Variants in TRH observed in about 807,000 individuals in gnomAD.
TRH encodes TSH-releasing factor.
In TRH, 5 loss-of-function variants were observed where a neutral mutation model predicts 5.2. The observed-to-expected ratio is 0.95, with a 90% CI of 0.50 to 2.00. The LOEUF is 2.00. TRH is among the 30% of genes most tolerant of loss of function. TRH has a pLI of 0.01. For synonymous variants in TRH, 131 were observed against 128.6 expected (o/e 1.02, Z -0.13); for missense variants, 318 against 312.8 (o/e 1.02, Z -0.13).
chr3:129,975,607 C>A (rs961508156), intron 1 of TRH, among the ~76,000 whole-genome samples: 1 of 152,196 alleles, frequency 6.6e-6, no homozygotes, highest in African/African-American at 2.4e-5. Context: ...CCCGTGGGGG[C>A]GAGGACGCCT....
At position 129,977,156 on chromosome 3, in the gene TRH, G is replaced by T. The variant is rs1005888885; in HGVS notation, c.669G>T (p.Glu223Asp). 3.9e-6 allele frequency: 6 copies of T among 1,523,516 alleles called. No individual in the cohort carries two copies. The highest frequency in any genetic ancestry group is 5.3e-6 in the Non-Finnish European group (6 of 1,138,694). The allele number at this position is 1,523,516 out of a possible 1,614,324, so 94.4% of individuals were successfully genotyped here. Residue 223 changes from glutamate to aspartate, a missense_variant, in exon 3 of 3, where the codon GAG (glutamate) becomes GAT (aspartate). By Grantham distance (45) the Glu-to-Asp change is conservative (BLOSUM62 2). Coordinates refer to ENST00000302649, the MANE Select transcript of TRH (RefSeq NM_007117.5). Reference sequence around the variant, plus strand: ...ACCTGAGTAGGAGCCAGGGAGCTGAGGAAAAGCGGCAGCACCCTGGTCGGC... The same window carrying T: ...ACCTGAGTAGGAGCCAGGGAGCTGATGAAAAGCGGCAGCACCCTGGTCGGC... ...LDDLSRSQGA[E>D]EKRQHPGRRA... is the part of the protein sequence containing the mutation.
At chr3:129,976,172 G>A in intron 2 of TRH, 145 bp downstream of exon 2, 1 of 1,002,094 alleles carries the variant, frequency 1.0e-6, no homozygotes, top group Non-Finnish European at 1.5e-6. Context: ...CGCCTAGGCG[G>A]GATCTGGAGT....
rs2062548208 is a variant in TRH, at chr3:129,976,878, C to T, written c.391C>T (p.Gln131Ter). 3.1e-6 allele frequency: 5 copies of T among 1,613,392 alleles called. No homozygotes were observed. Among genetic ancestry groups the T allele is most frequent in the Non-Finnish European group, 4.2e-6 (5 of 1,179,756 alleles). ...DEASWSVDVT[Q>*]HKRQHPGRRS... Reference sequence around the variant, plus strand: ...GGCTTCATGGTCAGTCGATGTAACCCAGCACAAGCGGCAGCATCCTGGCCG... The same window carrying T: ...GGCTTCATGGTCAGTCGATGTAACCTAGCACAAGCGGCAGCATCCTGGCCG... The change falls in exon 3 of 3, where the codon CAG becomes TAG. Residue 131 changes from glutamine (Q) to a stop codon, truncating the protein, a stop_gained. Coordinates refer to ENST00000302649, the MANE Select transcript of TRH (RefSeq NM_007117.5). LOFTEE classifies it low-confidence loss of function (END_TRUNC).
chr3:129,976,223 C>A (rs540510936), intron 2 of TRH, among the ~76,000 whole-genome samples, 196 bp downstream of exon 2: 1 of 152,228 alleles, frequency 6.6e-6, no homozygotes, highest in African/African-American at 2.4e-5. Flanking sequence ...TGTCTCAATG[C>A]TGGGAATATT....
At chr3:129,975,247 G>C (rs1167341068) in intron 1 of TRH, among the ~76,000 whole-genome samples, 1 of 152,248 alleles carries the variant, frequency 6.6e-6, no homozygotes, top group Admixed American at 6.5e-5. Flanking sequence ...AGTCATGAAA[G>C]CTTAGCATTA....
In TRH at chr3:129,977,356, C is replaced by T. The variant is rs1325580748; in HGVS notation, c.*140C>T. Reference sequence around the variant, plus strand: ...CCTCCCTCCCAGCCCCATATTCACACACATCCCAGCCCCTGGCCTTGCCCT... The same window carrying T: ...CCTCCCTCCCAGCCCCATATTCACATACATCCCAGCCCCTGGCCTTGCCCT... On this transcript the variant is annotated 3_prime_UTR_variant, in exon 3 of 3. Coordinates refer to ENST00000302649, the MANE Select transcript of TRH (RefSeq NM_007117.5). 2 of 1,144,376 alleles carry T rather than the reference C, an allele frequency of 1.7e-6. No homozygotes were observed. Among genetic ancestry groups the T allele is most frequent in the African/African-American group, 3.1e-5 (2 of 64,584 alleles). 70.9% of individuals were successfully genotyped at this position (1,144,376 alleles called of 1,614,324 possible).
chr3:129,975,717 G>C, intron 1 of TRH, 92 bp from the exon 2 acceptor site: 2 of 1,348,760 alleles, frequency 1.5e-6, no homozygotes, highest in Admixed American at 2.3e-5. Flanking sequence ...CGGTTGAACT[G>C]TGCGTGGTTT....
rs61740106 is a variant in TRH, at chr3:129,976,735, G to A, written c.248G>A (p.Arg83His). 3,214 of 1,613,804 alleles carry A rather than the reference G, an allele frequency of 2.0e-3. 45 individuals carry two copies. In the African/African-American group the frequency reaches 0.031, roughly 15 times the overall value. Residue 83 changes from arginine (R) to histidine (H), a missense_variant, in exon 3 of 3, where the codon CGT becomes CAT. By Grantham distance (29) the Arg-to-His change is conservative. Transcript: ENST00000302649. ...QIFQSDWLSK[R>H]QHPGKREEEE... Reference sequence around the variant, plus strand: ...TTTCAATCTGACTGGCTCTCCAAACGTCAGCATCCAGGCAAAAGAGAGGAG... The same window carrying A: ...TTTCAATCTGACTGGCTCTCCAAACATCAGCATCCAGGCAAAAGAGAGGAG...
chr3:129,977,565 G>A lies in TRH; in HGVS notation c.*349G>A, dbSNP rs896646942. On this transcript the variant is annotated 3_prime_UTR_variant, in exon 3 of 3. Coordinates refer to ENST00000302649, the MANE Select transcript of TRH (RefSeq NM_007117.5). ...TTGCAAAGACTCCCCAAGTGGGACA[G>A]GGAGCCCCTGGGAGGGCAGCCAGTG... 1.7e-5 allele frequency: 3 copies of A among 177,724 alleles called. No individual in the cohort carries two copies. Among genetic ancestry groups the A allele is most frequent in the Middle Eastern group, 2.2e-3 (1 of 452 alleles). The allele number at this position is 177,724 out of a possible 1,614,324, so 11.0% of individuals were successfully genotyped here. A position where few individuals can be genotyped will look rare whatever the true frequency, so the allele number is the denominator to read the frequency against.
At chr3:129,976,105 G>A (rs1560666903) in intron 2 of TRH, 78 bp downstream of exon 2, 13 of 1,508,112 alleles carry the variant, frequency 8.6e-6, no homozygotes, top group Non-Finnish European at 1.2e-5. Context: ...AAAGGGGAGG[G>A]GAGGCTTGGT....
chr3:129,977,025 C>T lies in TRH; in HGVS notation c.538C>T (p.Leu180=). 6.2e-7 allele frequency: 1 copy of T among 1,612,032 alleles called. No homozygotes were observed. Among genetic ancestry groups the T allele is most frequent in the Non-Finnish European group, 8.5e-7 (1 of 1,178,448 alleles). The change falls in exon 3 of 3, where the codon CTG becomes TTG. Residue 180 remains leucine, a synonymous_variant. Transcript: ENST00000302649. ...EEEEEEREED[L]MPEKRQHPGK... is the part of the protein sequence containing the mutation. ...GGAGGAGGAAGAGAGAGAGGAAGAC[C>T]TGATGCCTGAAAAACGCCAGCATCC...
In TRH at chr3:129,976,170, C is replaced by A. The variant is rs936205444; in HGVS notation, c.211+143C>A. 39 of 1,019,226 alleles carry A rather than the reference C, an allele frequency of 3.8e-5. No homozygotes were observed. In the East Asian group the frequency reaches 9.7e-4, roughly 25 times the overall value. 63.1% of individuals were successfully genotyped at this position (1,019,226 alleles called of 1,614,324 possible). On this transcript the variant is annotated intron_variant, in intron 2 of 2. Coordinates refer to ENST00000302649, the MANE Select transcript of TRH (RefSeq NM_007117.5). ...GAAACCCTCCCTGGCTGCGCCTAGG[C>A]GGGATCTGGAGTTGACCATTCCTCG...
In TRH at chr3:129,976,784, A is replaced by C; in HGVS notation, c.297A>C (p.Glu99Asp). 6.2e-7 allele frequency: 1 copy of C among 1,613,362 alleles called. No homozygotes were observed. The change falls in exon 3 of 3, where the codon GAA becomes GAC. Residue 99 changes from glutamate (E) to aspartate (D), a missense_variant. By Grantham distance (45) the Glu-to-Asp change is conservative (BLOSUM62 2). Transcript: ENST00000302649. ...AGGAGGAGGAAGAGGGAGTTGAAGAAGAGGAAGAGGAAGAAGGGGGGGCTG... is the reference window on the plus strand; with the variant it reads ...AGGAGGAGGAAGAGGGAGTTGAAGACGAGGAAGAGGAAGAAGGGGGGGCTG... Reference protein sequence around the residue: ...REEEEEEGVEEEEEEEGGAVG... With the variant: ...REEEEEEGVEDEEEEEGGAVG...
In TRH at chr3:129,976,909, C is replaced by T. The variant is rs745582433; in HGVS notation, c.422C>T (p.Ser141Phe). ...QHKRQHPGRR[S>F]PWLAYAVPKR... ...AAGCGGCAGCATCCTGGCCGGCGCT[C>T]CCCCTGGCTTGCATATGCTGTCCCG... Residue 141 changes from serine to phenylalanine, a missense_variant, in exon 3 of 3, where the codon TCC (serine) becomes TTC (phenylalanine). Transcript: ENST00000302649. 14 of 1,613,800 alleles carry T rather than the reference C, an allele frequency of 8.7e-6. No homozygotes were observed. The highest frequency in any genetic ancestry group is 1.2e-5 in the Non-Finnish European group (14 of 1,179,950).
At chr3:129,976,116 C>T in intron 2 of TRH, 89 bp downstream of exon 2, 1 of 1,455,160 alleles carries the variant, frequency 6.9e-7, no homozygotes, top group Non-Finnish European at 9.3e-7. Context: ...GAGGCTTGGT[C>T]AGCTAGCCTT....
At position 129,977,347 on chromosome 3, in the gene TRH, A is replaced by G. The variant is rs528480294; in HGVS notation, c.*131A>G. 634 of 1,178,710 alleles carry G rather than the reference A, an allele frequency of 5.4e-4. No individual in the cohort carries two copies. The highest frequency in any genetic ancestry group is 6.8e-4 in the Non-Finnish European group (619 of 903,828). 73.0% of individuals were successfully genotyped at this position (1,178,710 alleles called of 1,614,324 possible). On this transcript the variant is annotated 3_prime_UTR_variant, in exon 3 of 3. Transcript: ENST00000302649. Reference sequence around the variant, plus strand: ...GCCTGAGCCCCTCCCTCCCAGCCCCATATTCACACACATCCCAGCCCCTGG... The same window carrying G: ...GCCTGAGCCCCTCCCTCCCAGCCCCGTATTCACACACATCCCAGCCCCTGG...
At chr3:129,975,198 GA>G (rs996927829) in intron 1 of TRH, among the ~76,000 whole-genome samples, 51 of 152,344 alleles carry the variant, frequency 3.3e-4, no homozygotes, top group African/African-American at 1.2e-3. Flanking sequence ...TTTTAGCGTT[GA>G]AGTTAGGATT....
intron 1 of TRH, among the ~76,000 whole-genome samples, chr3:129,975,088 G>C: frequency 6.6e-6 from 1 of 152,096 alleles, no homozygotes; most frequent in East Asian, 1.9e-4. Flanking sequence ...GGAGCTCCGC[G>C]GCACCCCCTG....
In TRH at chr3:129,977,173, C is replaced by G. The variant is rs962107224; in HGVS notation, c.686C>G (p.Pro229Arg). The change falls in exon 3 of 3, where the codon CCT (proline) becomes CGT (arginine). Residue 229 changes from proline to arginine, a missense_variant. Transcript: ENST00000302649. ...GGAGCTGAGGAAAAGCGGCAGCACCCTGGTCGGCGGGCAGCCTGGGTCAGA... is the reference window on the plus strand; with the variant it reads ...GGAGCTGAGGAAAAGCGGCAGCACCGTGGTCGGCGGGCAGCCTGGGTCAGA... ...SQGAEEKRQHPGRRAAWVREP... is the reference protein window; with the variant it reads ...SQGAEEKRQHRGRRAAWVREP... 1 of 1,520,200 alleles carries G rather than the reference C, an allele frequency of 6.6e-7. No homozygotes were observed. The allele number at this position is 1,520,200 out of a possible 1,614,324, so 94.2% of individuals were successfully genotyped here.
Sources: allele counts gnomAD v4.1 joint callset (sites outside exome capture counted in the v4.1 genomes callset), GRCh38; gene constraint gnomAD v4.1.1; transcripts MANE v1.5; gene names NCBI Gene and HGNC (gene_info 2026-07-23, HGNC 2026-07-21).